The following PLXDC2 variants were observed in gnomAD, a reference collection of about 807,000 sequenced individuals.
The protein encoded by PLXDC2 is plexin domain containing 2.
Under a neutral mutation model 68.9 loss-of-function variants are expected in PLXDC2, and 40 were observed. That is an observed-to-expected ratio of 0.58 (90% CI 0.45 to 0.76). PLXDC2 has a LOEUF of 0.76. PLXDC2 is among the 30% of genes least tolerant of loss of function. PLXDC2 has a pLI of 0.00. For synonymous variants in PLXDC2, 243 were observed against 234.2 expected, an observed-to-expected ratio of 1.04 and a Z score of -0.34; for missense variants, 644 against 661.9, an observed-to-expected ratio of 0.97 and a Z score of 0.30.
At chr10:19,966,817 TTC>T (rs996573503) in intron 1 of PLXDC2, among the ~76,000 whole-genome samples, 3 of 151,904 alleles carry the variant, frequency 2.0e-5, no homozygotes, top group Admixed American at 2.0e-4. Flanking sequence ...CATTTTTTTT[TTC>T]CCCCAGCATG....
chr10:19,924,702 T>C (rs974710387), intron 1 of PLXDC2, among the ~76,000 whole-genome samples: 15 of 152,354 alleles, frequency 9.8e-5, no homozygotes, highest in African/African-American at 2.2e-4. Flanking sequence ...TCTGAAAAGA[T>C]GACAGATACC....
At chr10:19,857,991 A>G (rs1053503132) in intron 1 of PLXDC2, among the ~76,000 whole-genome samples, 2 of 152,194 alleles carry the variant, frequency 1.3e-5, no homozygotes, top group Non-Finnish European at 2.9e-5. Flanking sequence ...ACTTACATAA[A>G]TATGTTCTTG....
chr10:20,266,828 C>T (rs555551661), intron 13 of PLXDC2, among the ~76,000 whole-genome samples: 1 of 152,216 alleles, frequency 6.6e-6, no homozygotes, highest in Non-Finnish European at 1.5e-5. Context: ...TGTCTCATTT[C>T]ATCGTTTTTA....
At chr10:20,253,791 T>C (rs988014527) in intron 13 of PLXDC2, among the ~76,000 whole-genome samples, 3 of 152,232 alleles carry the variant, frequency 2.0e-5, no homozygotes, top group Non-Finnish European at 4.4e-5. Flanking sequence ...ACATGTTTGA[T>C]ATAAAAAATG....
intron 1 of PLXDC2, among the ~76,000 whole-genome samples, chr10:19,841,490 A>G (rs1202599407): frequency 6.6e-6 from 1 of 150,504 alleles, no homozygotes; most frequent in Non-Finnish European, 1.5e-5. Flanking sequence ...CTTGTTTATC[A>G]TCTAGTGATC....
intron 1 of PLXDC2, among the ~76,000 whole-genome samples, chr10:19,854,284 A>G (rs1589502147): frequency 6.6e-6 from 1 of 152,188 alleles, no homozygotes; most frequent in African/African-American, 2.4e-5. Context: ...ATAGCATCTT[A>G]AAAGAAAACA....
chr10:19,988,189 C>A (rs1388524913), intron 1 of PLXDC2, among the ~76,000 whole-genome samples: 2 of 152,176 alleles, frequency 1.3e-5, no homozygotes, highest in East Asian at 3.9e-4. Context: ...TTTTGAAAGC[C>A]TTTGCAAGCC....
At chr10:20,266,699 C>T (rs1473441316) in intron 13 of PLXDC2, among the ~76,000 whole-genome samples, 4 of 152,076 alleles carry the variant, frequency 2.6e-5, no homozygotes, top group African/African-American at 9.7e-5. Context: ...AATGACTGAT[C>T]AGTTCTCTTC....
intron 12 of PLXDC2, among the ~76,000 whole-genome samples, chr10:20,235,649 GT>G (rs1835423016): frequency 6.6e-6 from 1 of 152,128 alleles, no homozygotes; most frequent in Non-Finnish European, 1.5e-5. Flanking sequence ...AGCCCCAAAG[GT>G]TCCATCTTTA....
intron 1 of PLXDC2, among the ~76,000 whole-genome samples, chr10:19,900,640 A>C (rs998696850): frequency 1.3e-5 from 2 of 151,766 alleles, no homozygotes; most frequent in African/African-American, 4.8e-5. Context: ...TTGGGGGAGT[A>C]GGTGGTATTT....
intron 1 of PLXDC2, among the ~76,000 whole-genome samples, chr10:19,969,380 A>G (rs1429782402): frequency 2.6e-5 from 4 of 152,234 alleles, no homozygotes; most frequent in Non-Finnish European, 4.4e-5. Context: ...GTATGTTACC[A>G]ACCTTTCTGA....
At chr10:20,037,530 T>A (rs1314795901) in intron 2 of PLXDC2, among the ~76,000 whole-genome samples, 1 of 152,148 alleles carries the variant, frequency 6.6e-6, no homozygotes, top group Non-Finnish European at 1.5e-5. Flanking sequence ...GAAATAGTCT[T>A]TGGGGCTCAT....
At chr10:19,929,257 C>T (rs1490480157) in intron 1 of PLXDC2, among the ~76,000 whole-genome samples, 1 of 151,830 alleles carries the variant, frequency 6.6e-6, no homozygotes, top group Non-Finnish European at 1.5e-5. Context: ...CGAAAAGAAC[C>T]CACTCTCTAG....
intron 1 of PLXDC2, among the ~76,000 whole-genome samples, chr10:19,889,636 G>A (rs1213323430): frequency 6.6e-6 from 1 of 152,038 alleles, no homozygotes; most frequent in Non-Finnish European, 1.5e-5. Context: ...TCTTACTGAG[G>A]CACCAACTAC....
chr10:20,054,835 C>T (rs1835967468), intron 3 of PLXDC2, among the ~76,000 whole-genome samples: 1 of 151,644 alleles, frequency 6.6e-6, no homozygotes, highest in Non-Finnish European at 1.5e-5. Context: ...CACATGTACC[C>T]TAAAACTTAA....
chr10:20,147,656 A>T, intron 5 of PLXDC2, 128 bp from the exon 6 acceptor site: 2 of 589,018 alleles, frequency 3.4e-6, no homozygotes, highest in Non-Finnish European at 6.1e-6. Flanking sequence ...GATTAACCAC[A>T]TAAAATCGAA....
chr10:20,194,987 C>G (rs1202395992), intron 9 of PLXDC2, among the ~76,000 whole-genome samples: 1 of 151,856 alleles, frequency 6.6e-6, no homozygotes, highest in Non-Finnish European at 1.5e-5. Flanking sequence ...TAAGTGGGCT[C>G]ATAGTGCTTA....
intron 1 of PLXDC2, among the ~76,000 whole-genome samples, chr10:19,943,752 A>G (rs991170073): frequency 1.3e-5 from 2 of 152,232 alleles, no homozygotes; most frequent in African/African-American, 4.8e-5. Flanking sequence ...TCAAGTAGGA[A>G]CAGTCTCATC....
chr10:19,982,150 A>G (rs995433550), intron 1 of PLXDC2, among the ~76,000 whole-genome samples: 19 of 152,338 alleles, frequency 1.2e-4, no homozygotes, highest in African/African-American at 4.6e-4. Context: ...AAATGCATTC[A>G]TTTTTCTAAA....
Sources: gnomAD v4.1 joint callset for allele counts (sites outside exome capture counted in the v4.1 genomes callset) on GRCh38, gnomAD v4.1.1 for gene constraint, MANE v1.5 for transcripts, NCBI Gene and HGNC (gene_info 2026-07-23, HGNC 2026-07-21) for gene names.